The following CCDC171 variants were observed in gnomAD, a reference collection of about 807,000 sequenced individuals.
CCDC171 encodes the protein coiled-coil domain-containing protein 171.
CCDC171 carries 177 observed loss-of-function variants against 168.2 expected under a neutral mutation model. The ratio of observed to expected loss-of-function variants is 1.05; its 90% CI spans 0.93 to 1.19. CCDC171 has a LOEUF of 1.19. CCDC171 is among the 50% of genes most tolerant of loss of function. The pLI, the probability that CCDC171 is intolerant of heterozygous loss-of-function variation, is 0.00. For synonymous variants in CCDC171, 687 were observed against 540.8 expected, an observed-to-expected ratio of 1.27 and a Z score of -3.75; for missense variants, 1,991 against 1,539.0, an observed-to-expected ratio of 1.29 and a Z score of -4.91.
intron 1 of CCDC171, among the ~76,000 whole-genome samples, chr9:16,057,829 C>T (rs958397357): frequency 6.6e-6 from 1 of 152,156 alleles, no homozygotes. Context: ...ACAGTGGACA[C>T]GGCATCAGAG....
intron 7 of CCDC171, among the ~76,000 whole-genome samples, chr9:15,634,228 T>G (rs2046010120): frequency 6.6e-6 from 1 of 152,102 alleles, no homozygotes; most frequent in South Asian, 2.1e-4. Flanking sequence ...AAAAATAATT[T>G]AAATTTTTTT....
intron 1 of CCDC171, among the ~76,000 whole-genome samples, chr9:16,060,138 A>C (rs904608952): frequency 2.0e-5 from 3 of 152,170 alleles, no homozygotes; most frequent in African/African-American, 7.2e-5. Context: ...TCTCCTTTGC[A>C]GGGTCTTCTC....
intron 10 of CCDC171, 98 bp downstream of exon 10, chr9:15,678,994 A>T: frequency 1.1e-6 from 1 of 927,394 alleles, no homozygotes; most frequent in Non-Finnish European, 1.6e-6. Flanking sequence ...AGATAATAGT[A>T]TGCAAGTTAT....
rs536381663 is a variant in CCDC171 at position 15,865,842 on chromosome 9, CTGCG to C, written c.3469-8683_3469-8680del. ...CCCACATGTTGTTCAAAGTTCAACT[CTGCG>C]TGCGTGTGTGTGTGTGTGTGTGTGT... On this transcript the variant is annotated intron_variant, in intron 23 of 25. Transcript: ENST00000380701. 1.3e-4 allele frequency among the ~76,000 whole-genome samples: 10 copies of C among 77,582 alleles called. No individual in the cohort carries two copies. In the East Asian group the frequency reaches 2.2e-3, roughly 17 times the overall value. 50.9% of individuals were successfully genotyped at this position (77,582 alleles called of 152,430 possible).
intron 10 of CCDC171, among the ~76,000 whole-genome samples, chr9:15,694,467 T>A (rs1036351614): frequency 6.6e-6 from 1 of 152,206 alleles, no homozygotes; most frequent in African/African-American, 2.4e-5. Flanking sequence ...AATTCATGAT[T>A]GATACCTCCT....
At chr9:15,743,138 C>CTTTTTTTTTTTTTTTT (rs66642691) in intron 16 of CCDC171, among the ~76,000 whole-genome samples, 2 of 73,264 alleles carry the variant, frequency 2.7e-5, no homozygotes, top group Non-Finnish European at 4.9e-5. Flanking sequence ...CTGTTACCTT[C>CTTTTTTTTTTTTTTTT]TTTTTTTTTT....
At chr9:15,746,687 C>T (rs1378709825) in intron 18 of CCDC171, among the ~76,000 whole-genome samples, 1 of 152,166 alleles carries the variant, frequency 6.6e-6, no homozygotes, top group African/African-American at 2.4e-5. Context: ...AAGATTGATG[C>T]AGAAGACGGG....
intron 1 of CCDC171, among the ~76,000 whole-genome samples, chr9:16,056,118 C>A (rs774952049): frequency 2.0e-5 from 3 of 152,288 alleles, no homozygotes; most frequent in East Asian, 3.9e-4. Context: ...AGGAAAAAAA[C>A]CCAAACATTA....
chr9:15,983,031 C>T (rs1005727531), intron 3 of CCDC171, among the ~76,000 whole-genome samples: 2 of 152,266 alleles, frequency 1.3e-5, no homozygotes, highest in African/African-American at 4.8e-5. Context: ...TTCGTTCTTA[C>T]CCTGGATTTC....
intron 18 of CCDC171, among the ~76,000 whole-genome samples, chr9:15,774,705 C>T (rs906039169): frequency 2.0e-5 from 3 of 152,222 alleles, no homozygotes; most frequent in Admixed American, 6.5e-5. Context: ...GGAACCAGCT[C>T]AGATGCCCAT....
At chr9:15,812,395 C>T (rs890347842) in intron 21 of CCDC171, among the ~76,000 whole-genome samples, 1 of 152,264 alleles carries the variant, frequency 6.6e-6, no homozygotes, top group South Asian at 2.1e-4. Flanking sequence ...GGCACATGCA[C>T]TGGTTGGAAG....
At chr9:15,652,855 G>T (rs1310829654) in intron 7 of CCDC171, among the ~76,000 whole-genome samples, 1 of 152,108 alleles carries the variant, frequency 6.6e-6, no homozygotes, top group African/African-American at 2.4e-5. Context: ...AAAGAAAATT[G>T]TTTGGCTTAA....
At chr9:15,598,809 C>A (rs2042591867) in intron 6 of CCDC171, among the ~76,000 whole-genome samples, 1 of 152,172 alleles carries the variant, frequency 6.6e-6, no homozygotes. Context: ...TCTCTAAGGA[C>A]TTCCTTTATG....
rs1295851906 is a variant in CCDC171, at chr9:15,817,445, T to A, written c.3268-29257T>A. Among the ~76,000 whole-genome samples the A allele has an allele frequency of 1.7e-5, 2 of 117,770 alleles. 1 individual carries two copies. The highest frequency in any genetic ancestry group is 3.8e-5 in the Non-Finnish European group (2 of 52,256). The allele number at this position is 117,770 out of a possible 152,430, so 77.3% of individuals were successfully genotyped here. A position where few individuals can be genotyped will look rare whatever the true frequency, so the allele number is the denominator to read the frequency against. ...GGGGTCAGGGAATTCCCTTTCCTAG[T>A]CAAAGAAAGGAGTGACAGAGGGCAC... On this transcript the variant is annotated intron_variant, in intron 21 of 25. Coordinates refer to ENST00000380701, the MANE Select transcript of CCDC171 (RefSeq NM_173550.4).
chr9:15,951,273 C>G (rs1458343924), intron 25 of CCDC171, among the ~76,000 whole-genome samples: 1 of 149,550 alleles, frequency 6.7e-6, no homozygotes, highest in Non-Finnish European at 1.5e-5. Flanking sequence ...ACCAAGTGGA[C>G]CTAATAGACA....
At chr9:16,102,246 G>A in the CCDC171 span, among the ~76,000 whole-genome samples, 4 of 152,232 alleles carry the variant, frequency 2.6e-5, no homozygotes, top group South Asian at 2.1e-4. Flanking sequence ...TTTGGTGTCC[G>A]TGTCCTGGCC....
At chr9:15,612,579 G>C in intron 6 of CCDC171, among the ~76,000 whole-genome samples, 1 of 152,076 alleles carries the variant, frequency 6.6e-6, no homozygotes, top group Middle Eastern at 3.2e-3. Flanking sequence ...AATGTTTTTA[G>C]TATTAAAAGT....
At chr9:15,828,061 A>G (rs979681367) in intron 21 of CCDC171, among the ~76,000 whole-genome samples, 5 of 152,192 alleles carry the variant, frequency 3.3e-5, no homozygotes, top group Admixed American at 1.3e-4. Context: ...ATGAATTAAT[A>G]TTTTACACTG....
chr9:16,005,308 G>T (rs865842366), intron 3 of CCDC171, among the ~76,000 whole-genome samples: 11 of 152,152 alleles, frequency 7.2e-5, no homozygotes, highest in Admixed American at 3.3e-4. Flanking sequence ...ATTCTTCCAT[G>T]TTGTAACATG....
Sources: gnomAD v4.1 joint callset for allele counts (sites outside exome capture counted in the v4.1 genomes callset) on GRCh38, gnomAD v4.1.1 for gene constraint, MANE v1.5 for transcripts, NCBI Gene and HGNC (gene_info 2026-07-23, HGNC 2026-07-21) for gene names.